CEP112: variants seen among roughly 807,000 people sequenced by gnomAD.
The protein encoded by CEP112 is centrosomal protein of 112 kDa.
Under a neutral mutation model 153.0 loss-of-function variants are expected in CEP112, and 127 were observed. The observed-to-expected ratio is 0.83, with a 90% CI of 0.72 to 0.96. The LOEUF (loss-of-function observed/expected upper bound fraction) is 0.96, where lower values mean the gene tolerates loss of function less well. CEP112 is among the 40% of genes least tolerant of loss of function. The pLI, the probability that CEP112 is intolerant of heterozygous loss-of-function variation, is 0.00. For missense variants in CEP112, 1,089 were observed against 1,101.2 expected (o/e 0.99, Z 0.16); for synonymous variants, 358 against 374.4 (o/e 0.96, Z 0.51).
intron 24 of CEP112, among the ~76,000 whole-genome samples, chr17:65,660,369 C>CCCTT (rs200263565): frequency 0.048 from 5,725 of 118,058 alleles, 774 homozygotes; most frequent in East Asian, 0.36. Context: ...CTCCCTCCCT[C>CCCTT]CCTTCCTTCC....
At chr17:66,097,944 T>A (rs566343144) in intron 6 of CEP112, among the ~76,000 whole-genome samples, 2 of 152,296 alleles carry the variant, frequency 1.3e-5, no homozygotes, top group East Asian at 3.9e-4. Flanking sequence ...TTCTTACACT[T>A]GTTAAATTAA....
At chr17:66,047,189 T>C (rs973502476) in intron 12 of CEP112, among the ~76,000 whole-genome samples, 3 of 152,230 alleles carry the variant, frequency 2.0e-5, no homozygotes, top group African/African-American at 7.2e-5. Flanking sequence ...TGATCTCAGC[T>C]CACTGCAACC....
intron 20 of CEP112, among the ~76,000 whole-genome samples, chr17:65,875,908 T>G (rs1679260048): frequency 6.6e-6 from 1 of 152,222 alleles, no homozygotes; most frequent in South Asian, 2.1e-4. Flanking sequence ...AGTCTAATCA[T>G]TATTCAAAAC....
intron 22 of CEP112, 60 bp downstream of exon 22, chr17:65,750,602 T>C: frequency 2.8e-6 from 4 of 1,409,032 alleles, no homozygotes; most frequent in Non-Finnish European, 4.0e-6. Flanking sequence ...AAGGCTTTTA[T>C]GTGGAGGTTT....
intron 17 of CEP112, among the ~76,000 whole-genome samples, chr17:66,000,733 A>G (rs11654306): frequency 0.41 from 62,456 of 152,000 alleles, 14,295 homozygotes; most frequent in East Asian, 0.87. Flanking sequence ...AGGAAACAGC[A>G]TGTCTGGCTG....
chr17:65,916,870 C>G (rs2060512424), intron 19 of CEP112, among the ~76,000 whole-genome samples: 1 of 152,068 alleles, frequency 6.6e-6, no homozygotes, highest in Non-Finnish European at 1.5e-5. Context: ...TTAATATTCA[C>G]TCTAGCTAAA....
chr17:66,175,470 T>G (rs1414524702), intron 3 of CEP112, among the ~76,000 whole-genome samples: 1 of 152,230 alleles, frequency 6.6e-6, no homozygotes, highest in Non-Finnish European at 1.5e-5. Flanking sequence ...ATAAATCTGA[T>G]AGTAATGTTT....
chr17:66,123,814 TA>T (rs1177228558), intron 6 of CEP112, among the ~76,000 whole-genome samples: 1 of 152,238 alleles, frequency 6.6e-6, no homozygotes, highest in African/African-American at 2.4e-5. Context: ...GTGTGTTGTT[TA>T]ATTTCTAAAT....
chr17:65,950,813 C>T (rs1216252906), intron 18 of CEP112, among the ~76,000 whole-genome samples: 1 of 151,896 alleles, frequency 6.6e-6, no homozygotes, highest in Non-Finnish European at 1.5e-5. Context: ...ACATCTTTGC[C>T]TTGTTCTTAG....
chr17:65,868,399 C>G (rs1488801593), intron 20 of CEP112, among the ~76,000 whole-genome samples: 4 of 151,808 alleles, frequency 2.6e-5, no homozygotes, highest in African/African-American at 9.7e-5. Flanking sequence ...ACTCGAGAGG[C>G]TGAGGCAGGA....
At chr17:66,071,703 A>G (rs149459760) in intron 8 of CEP112, among the ~76,000 whole-genome samples, 1 of 152,256 alleles carries the variant, frequency 6.6e-6, no homozygotes, top group East Asian at 1.9e-4. Flanking sequence ...GAACTAACAC[A>G]CCAAGTTAGC....
At chr17:65,854,490 G>A (rs531588370) in intron 20 of CEP112, among the ~76,000 whole-genome samples, 1 of 152,254 alleles carries the variant, frequency 6.6e-6, no homozygotes, top group South Asian at 2.1e-4. Flanking sequence ...AAGACATCTA[G>A]AACAGTAACA....
At chr17:66,032,144 G>A (rs1288315853) in intron 12 of CEP112, among the ~76,000 whole-genome samples, 2 of 152,036 alleles carry the variant, frequency 1.3e-5, no homozygotes, top group Non-Finnish European at 2.9e-5. Flanking sequence ...GGAATTACAG[G>A]TGCACACCAC....
At chr17:65,736,357 A>G (rs563527015) in intron 23 of CEP112, among the ~76,000 whole-genome samples, 1 of 152,274 alleles carries the variant, frequency 6.6e-6, no homozygotes, top group South Asian at 2.1e-4. Context: ...AGGAAGATTA[A>G]TTCAGTTTAT....
chr17:65,976,729 C>CTTTT (rs1377033565), intron 17 of CEP112, among the ~76,000 whole-genome samples: 2 of 22,890 alleles, frequency 8.7e-5, no homozygotes, highest in African/African-American at 1.9e-4. Flanking sequence ...AAACTTATAA[C>CTTTT]TTTTTCTTTT....
chr17:65,657,226 C>T (rs11651759), intron 24 of CEP112, among the ~76,000 whole-genome samples: 13,846 of 152,236 alleles, frequency 0.091, 718 homozygotes, highest in Non-Finnish European at 0.11. Context: ...AACCAAATGC[C>T]AGCTCCTTTC....
intron 21 of CEP112, among the ~76,000 whole-genome samples, chr17:65,845,101 C>T (rs2057679560): frequency 6.6e-6 from 1 of 152,180 alleles, no homozygotes; most frequent in African/African-American, 2.4e-5. Context: ...GAGTGGATCA[C>T]TTGAGGTCAG....
chr17:65,660,515 CTTCT>C (rs964905010), intron 24 of CEP112, among the ~76,000 whole-genome samples: 1 of 119,060 alleles, frequency 8.4e-6, no homozygotes, highest in African/African-American at 3.3e-5. Context: ...TCCTTCCTTC[CTTCT>C]TCCCTTCTTC....
chr17:65,721,680 A>G (rs2049895265), intron 23 of CEP112, among the ~76,000 whole-genome samples: 1 of 152,192 alleles, frequency 6.6e-6, no homozygotes. Context: ...GTCTTTGCTG[A>G]GCTTCCACAT....
Sources: allele counts gnomAD v4.1 joint callset (sites outside exome capture counted in the v4.1 genomes callset), GRCh38; gene constraint gnomAD v4.1.1; transcripts MANE v1.5; gene names NCBI Gene and HGNC (gene_info 2026-07-23, HGNC 2026-07-21).